The following RAD54L2 variants were observed in gnomAD, a reference collection of about 807,000 sequenced individuals.
The protein encoded by RAD54L2 is helicase ARIP4.
Under a neutral mutation model 138.4 loss-of-function variants are expected in RAD54L2, and 27 were observed. The ratio of observed to expected loss-of-function variants is 0.20; its 90% CI spans 0.14 to 0.27. RAD54L2 has a LOEUF of 0.27. RAD54L2 is among the 10% of genes least tolerant of loss of function. The probability of loss-of-function intolerance (pLI) is 1.00; values close to 1 mark genes in which losing one functional copy is unlikely to be tolerated. For missense variants in RAD54L2, 1,396 were observed against 1,890.2 expected, an observed-to-expected ratio of 0.74 and a Z score of 4.85; for synonymous variants, 644 against 723.2, an observed-to-expected ratio of 0.89 and a Z score of 1.76.
chr3:51,660,418 C>G (rs1164699874), intron 22 of RAD54L2, among the ~76,000 whole-genome samples: 1 of 151,158 alleles, frequency 6.6e-6, no homozygotes, highest in Non-Finnish European at 1.5e-5. Flanking sequence ...ATGCCGTTCT[C>G]CTGCCTCAGC....
chr3:51,633,213 C>T (rs1700893544), intron 7 of RAD54L2, among the ~76,000 whole-genome samples: 1 of 152,164 alleles, frequency 6.6e-6, no homozygotes, highest in African/African-American at 2.4e-5. Flanking sequence ...GAGCCAGACT[C>T]TGTCTCAAAA....
intron 3 of RAD54L2, among the ~76,000 whole-genome samples, chr3:51,607,074 T>A (rs915824082): frequency 2.0e-5 from 3 of 148,990 alleles, no homozygotes; most frequent in Non-Finnish European, 4.5e-5. Flanking sequence ...TTTTATTTTT[T>A]TTTATTTTTT....
At chr3:51,657,293 C>T (rs1301836008) in intron 20 of RAD54L2, among the ~76,000 whole-genome samples, 1 of 152,166 alleles carries the variant, frequency 6.6e-6, no homozygotes, top group Non-Finnish European at 1.5e-5. Flanking sequence ...TAAACTAAAA[C>T]ATTTTTCACA....
At chr3:51,590,659 A>G (rs1699820922) in intron 3 of RAD54L2, 100 bp downstream of exon 3, 3 of 1,485,122 alleles carry the variant, frequency 2.0e-6, no homozygotes, top group Non-Finnish European at 2.8e-6. Flanking sequence ...TTCTTAGGCC[A>G]TCCATAGTGG....
At chr3:51,566,369 T>A (rs554545397) in intron 2 of RAD54L2, among the ~76,000 whole-genome samples, 1 of 151,902 alleles carries the variant, frequency 6.6e-6, no homozygotes, top group South Asian at 2.1e-4. Context: ...TCTAGTAGAC[T>A]CCCTTTATCC....
intron 9 of RAD54L2, among the ~76,000 whole-genome samples, chr3:51,634,341 G>A (rs1295066039): frequency 6.7e-6 from 1 of 149,024 alleles, no homozygotes; most frequent in East Asian, 2.0e-4. Context: ...CGAAACAATG[G>A]ATCTTTCCAC....
At position 51,639,415 on chromosome 3, in the gene RAD54L2, T is replaced by C; in HGVS notation, c.1861-4T>C. ...TGTCTCCTCTCCCTTTCCTTGAACC[T>C]CAGATCTGGAATCACCCTGATGTGC... On this transcript the variant is annotated splice_polypyrimidine_tract_variant and splice_region_variant and intron_variant, in intron 12 of 22. Coordinates refer to ENST00000684192, the MANE Select transcript of RAD54L2 (RefSeq NM_015106.4). 6.2e-7 allele frequency: 1 copy of C among 1,613,434 alleles called. No homozygotes were observed. Among genetic ancestry groups the C allele is most frequent in the South Asian group, 1.1e-5 (1 of 91,068 alleles).
intron 2 of RAD54L2, among the ~76,000 whole-genome samples, chr3:51,552,520 C>T (rs935586058): frequency 1.3e-5 from 2 of 151,288 alleles, no homozygotes; most frequent in Non-Finnish European, 2.9e-5. Context: ...CCTCGGCTTC[C>T]CAAAGTGTTG....
intron 2 of RAD54L2, among the ~76,000 whole-genome samples, chr3:51,588,185 CAA>C (rs987919898): frequency 2.8e-3 from 36 of 12,720 alleles, no homozygotes; most frequent in Middle Eastern, 0.031. Flanking sequence ...GACTCCATCT[CAA>C]AAAAAAAAAA....
chr3:51,624,146 T>G (rs1700626742), intron 3 of RAD54L2, among the ~76,000 whole-genome samples: 1 of 152,004 alleles, frequency 6.6e-6, no homozygotes, highest in South Asian at 2.1e-4. Context: ...AAGCAGCAGC[T>G]GTTTTTTGTT....
Position 51,643,897 on chromosome 3 carries a change from C to G in RAD54L2, c.2373C>G (p.Ala791=). The change falls in exon 16 of 23, where the codon GCC becomes GCG. Residue 791 remains alanine (A), a synonymous_variant. Coordinates refer to ENST00000684192, the MANE Select transcript of RAD54L2 (RefSeq NM_015106.4). ...SYFRLDGSTP[A]FERERLINQF... is the part of the protein sequence containing the mutation. Reference sequence around the variant, plus strand: ...TAGGGCTAGATGGTAGCACCCCTGCCTTTGAGAGGGAGCGGCTTATTAATC... The same window carrying G: ...TAGGGCTAGATGGTAGCACCCCTGCGTTTGAGAGGGAGCGGCTTATTAATC... The G allele has an allele frequency of 6.2e-7, 1 of 1,607,378 alleles. No homozygotes were observed. The highest frequency in any genetic ancestry group is 1.1e-5 in the South Asian group (1 of 89,200).
intron 2 of RAD54L2, among the ~76,000 whole-genome samples, chr3:51,575,392 A>G (rs532594078): frequency 1.3e-5 from 2 of 152,218 alleles, no homozygotes; most frequent in African/African-American, 4.8e-5. Flanking sequence ...GAAGAAAGTC[A>G]TTGGTAGCTT....
At chr3:51,658,609 C>T (rs1701669895) in intron 21 of RAD54L2, among the ~76,000 whole-genome samples, 2 of 152,104 alleles carry the variant, frequency 1.3e-5, no homozygotes, top group Non-Finnish European at 2.9e-5. Flanking sequence ...TTAAATAAGC[C>T]CCATGATTGT....
In RAD54L2 at chr3:51,645,288, A is replaced by G; in HGVS notation, c.2656+59A>G. 6.8e-7 allele frequency: 1 copy of G among 1,477,730 alleles called. No individual in the cohort carries two copies. Among genetic ancestry groups the G allele is most frequent in the Non-Finnish European group, 9.3e-7 (1 of 1,075,648 alleles). 91.5% of individuals were successfully genotyped at this position (1,477,730 alleles called of 1,614,324 possible). A position where few individuals can be genotyped will look rare whatever the true frequency, so the allele number is the denominator to read the frequency against. On this transcript the variant is annotated intron_variant, in intron 17 of 22. Transcript: ENST00000684192. The surrounding 1 kb of genome is among the most constrained non-coding windows in gnomAD (Gnocchi z 6.1). ...CTATACAGGCTACCATCCTTTTAGT[A>G]TCAAGGGTGGGAGAGGAGCAGGATA...
At chr3:51,557,715 A>G (rs1699005553) in intron 2 of RAD54L2, among the ~76,000 whole-genome samples, 1 of 150,726 alleles carries the variant, frequency 6.6e-6, no homozygotes, top group Non-Finnish European at 1.5e-5. Flanking sequence ...CTGTAATGCT[A>G]GCTACTTGGA....
intron 3 of RAD54L2, among the ~76,000 whole-genome samples, chr3:51,602,422 C>T (rs1316919173): frequency 1.3e-5 from 2 of 152,194 alleles, no homozygotes; most frequent in Admixed American, 6.5e-5. Context: ...ATCTACGTGA[C>T]TACTCTCCAG....
At position 51,635,705 on chromosome 3, in the gene RAD54L2, G is replaced by GGTA. The variant is rs1700968325; in HGVS notation, c.1257_1259dup (p.Gly419_Arg420insSer). ...CACTCTGAAGAAATCATTTGCCACA[G>GGTA]GTAGACCGAAGAAAACCAAGAAGCG... is the stretch of plus-strand genomic sequence containing the variant. On this transcript the variant is annotated inframe_insertion, in exon 10 of 23. Transcript: ENST00000684192. 3.1e-6 allele frequency: 5 copies of GGTA among 1,613,752 alleles called. No homozygotes were observed. Among genetic ancestry groups the GGTA allele is most frequent in the Non-Finnish European group, 4.2e-6 (5 of 1,179,870 alleles).
At chr3:51,556,905 G>C (rs1364723184) in intron 2 of RAD54L2, among the ~76,000 whole-genome samples, 3 of 152,012 alleles carry the variant, frequency 2.0e-5, no homozygotes, top group Non-Finnish European at 4.4e-5. Context: ...TTGTTGTCTG[G>C]CTTGGTCCTG....
At chr3:51,557,703 G>A (rs1460018605) in intron 2 of RAD54L2, among the ~76,000 whole-genome samples, 8 of 151,376 alleles carry the variant, frequency 5.3e-5, no homozygotes, top group East Asian at 1.9e-4. Context: ...GGTGGCGGGC[G>A]CCTGTAATGC....
Sources: allele counts gnomAD v4.1 joint callset (sites outside exome capture counted in the v4.1 genomes callset), GRCh38; gene constraint gnomAD v4.1.1; non-coding constraint Gnocchi (gnomAD v3.1); transcripts MANE v1.5; gene names NCBI Gene and HGNC (gene_info 2026-07-23, HGNC 2026-07-21).